FAM120B: variants seen among roughly 807,000 people sequenced by gnomAD.
FAM120B encodes constitutive coactivator of peroxisome proliferator-activated receptor gamma.
In FAM120B, 83 loss-of-function variants were observed where a neutral mutation model predicts 96.3. The observed-to-expected ratio is 0.86, with a 90% CI of 0.72 to 1.03. The LOEUF (loss-of-function observed/expected upper bound fraction) is 1.03, where lower values mean the gene tolerates loss of function less well. Ranked by LOEUF, FAM120B falls within the 50% of genes least tolerant of loss-of-function variation. The probability of loss-of-function intolerance (pLI) is 0.00; values close to 1 mark genes in which losing one functional copy is unlikely to be tolerated. For synonymous variants in FAM120B, 407 were observed against 402.7 expected (o/e 1.01, Z -0.13); for missense variants, 1,027 against 1,121.2 (o/e 0.92, Z 1.20).
At chr6:170,327,141 G>A (rs1186254028) in intron 3 of FAM120B, among the ~76,000 whole-genome samples, 1 of 152,030 alleles carries the variant, frequency 6.6e-6, no homozygotes, top group Non-Finnish European at 1.5e-5. Context: ...CCGCCTCCCG[G>A]GTTCACACCA....
chr6:170,388,610 C>T (rs963589994), intron 7 of FAM120B, 117 bp downstream of exon 7: 30 of 840,042 alleles, frequency 3.6e-5, no homozygotes, highest in Admixed American at 3.4e-4. Context: ...TAAAGGATTC[C>T]GTTAAACCAG....
rs1392304902 is a variant in FAM120B, at chr6:170,323,272, T to C, written c.1915+13T>C. 1.9e-6 allele frequency: 3 copies of C among 1,607,628 alleles called. No individual in the cohort carries two copies. The Admixed American group carries it at 5.1e-5, about 27-fold the overall frequency. ...GAGGACTGTCAAGGTGAGAATTGGTTGGTCCCTCTTAGTAAAGGTTCTATT... is the reference window on the plus strand; with the variant it reads ...GAGGACTGTCAAGGTGAGAATTGGTCGGTCCCTCTTAGTAAAGGTTCTATT... On this transcript the variant is annotated intron_variant, in intron 3 of 10. Coordinates refer to ENST00000476287, the MANE Select transcript of FAM120B (RefSeq NM_032448.3).
chr6:170,392,623 ATTAT>A (rs1790535673), intron 8 of FAM120B, among the ~76,000 whole-genome samples: 1 of 152,122 alleles, frequency 6.6e-6, no homozygotes, highest in Non-Finnish European at 1.5e-5. Context: ...CTGCAGTCCC[ATTAT>A]TTTTCTTGAT....
At chr6:170,355,689 G>GC (rs1228960291) in intron 5 of FAM120B, among the ~76,000 whole-genome samples, 1 of 152,114 alleles carries the variant, frequency 6.6e-6, no homozygotes, top group Non-Finnish European at 1.5e-5. Flanking sequence ...TATGTAACAA[G>GC]CCTGCACATC....
At chr6:170,367,092 T>G (rs1039170054) in intron 6 of FAM120B, among the ~76,000 whole-genome samples, 1 of 152,212 alleles carries the variant, frequency 6.6e-6, no homozygotes, top group African/African-American at 2.4e-5. Flanking sequence ...TTAAACAAAT[T>G]TTTCTTTTTA....
At chr6:170,398,977 GGGAAAGGT>G (rs1778377705) in intron 9 of FAM120B, among the ~76,000 whole-genome samples, 3 of 150,256 alleles carry the variant, frequency 2.0e-5, no homozygotes, top group South Asian at 2.1e-4. Context: ...AGGAGTGAGT[GGGAAAGGT>G]AGAACTATGT....
upstream of FAM120B, among the ~76,000 whole-genome samples, chr6:170,293,253 C>G (rs942320196): frequency 4.6e-5 from 7 of 152,124 alleles, no homozygotes; most frequent in African/African-American, 1.7e-4. Context: ...AATGCGAGGT[C>G]AGAATCCAGA....
rs9356643 is a variant in FAM120B, at chr6:170,331,251, A to G, written c.2017+701A>G. On this transcript the variant is annotated intron_variant, in intron 4 of 10. Transcript: ENST00000476287. ...AAGAGGAGGCTAAGCTTCAGAGTTTATTTTTAGTGGCTCATGTCATTGTTT... is the reference window on the plus strand; with the variant it reads ...AAGAGGAGGCTAAGCTTCAGAGTTTGTTTTTAGTGGCTCATGTCATTGTTT... Among the ~76,000 whole-genome samples the G allele has an allele frequency of 3.3e-5, 5 of 152,272 alleles. No homozygotes were observed. In the East Asian group the frequency reaches 9.7e-4, roughly 29 times the overall value.
At position 170,317,443 on chromosome 6, in the gene FAM120B, G is replaced by A. The variant is rs1300987430; in HGVS notation, c.53G>A (p.Cys18Tyr). The A allele has an allele frequency of 1.2e-6, 2 of 1,614,174 alleles. No homozygotes were observed. The highest frequency in any genetic ancestry group is 1.7e-6 in the Non-Finnish European group (2 of 1,180,024). Residue 18 changes from cysteine to tyrosine, a missense_variant, in exon 2 of 11, where the codon TGT becomes TAT. Cys to Tyr is a radical substitution (Grantham distance 194, BLOSUM62 -2). Transcript: ENST00000476287. Reference protein sequence around the residue: ...GFVGSTCPHICTVVNFKELAE... With the variant: ...GFVGSTCPHIYTVVNFKELAE... ...GTGGGAAGTACCTGCCCACATATAT[G>A]TACAGTAGTAAATTTCAAAGAACTG...
chr6:170,374,307 G>A (rs1000373771), intron 6 of FAM120B, among the ~76,000 whole-genome samples: 2 of 152,160 alleles, frequency 1.3e-5, no homozygotes, highest in Non-Finnish European at 2.9e-5. Flanking sequence ...TAAATTATAC[G>A]TAAATTGTGA....
intron 4 of FAM120B, among the ~76,000 whole-genome samples, chr6:170,345,234 A>G (rs938727909): frequency 6.6e-6 from 1 of 152,158 alleles, no homozygotes; most frequent in Non-Finnish European, 1.5e-5. Flanking sequence ...AGTCCAGCCC[A>G]ATGTTCCCAC....
At chr6:170,365,100 A>C (rs565699821) in intron 6 of FAM120B, among the ~76,000 whole-genome samples, 44 of 152,344 alleles carry the variant, frequency 2.9e-4, no homozygotes, top group African/African-American at 1.0e-3. Context: ...CGAAACCCCC[A>C]GTCAGGCTGA....
chr6:170,290,894 C>A (rs2114968823), upstream of FAM120B: 1 of 691,524 alleles, frequency 1.4e-6, no homozygotes, highest in South Asian at 1.5e-5. This position sits in a 1 kb window ranked among gnomAD's most constrained non-coding sequence, Gnocchi z 4.7. Flanking sequence ...TGCCCTCGGC[C>A]GGGTCGGGTC....
intron 4 of FAM120B, among the ~76,000 whole-genome samples, chr6:170,332,121 T>C (rs1260177010): frequency 2.0e-5 from 3 of 152,252 alleles, no homozygotes; most frequent in African/African-American, 7.2e-5. Context: ...TTTGAACTTT[T>C]ACACGGAGGG....
intron 1 of FAM120B, among the ~76,000 whole-genome samples, chr6:170,311,669 A>G (rs9356638): frequency 0.1 from 15,709 of 152,254 alleles, 1,030 homozygotes; most frequent in East Asian, 0.2. Flanking sequence ...CTCGTGTCCA[A>G]GAGACTGTTG....
upstream of FAM120B, chr6:170,291,085 T>C: frequency 1.4e-6 from 1 of 699,942 alleles, no homozygotes; most frequent in Non-Finnish European, 2.6e-6. Flanking sequence ...CAGTGAGCTG[T>C]AAAATGTGCA....
At chr6:170,335,604 G>A (rs193091681) in intron 4 of FAM120B, among the ~76,000 whole-genome samples, 1 of 152,128 alleles carries the variant, frequency 6.6e-6, no homozygotes. Flanking sequence ...GGTATTTCTG[G>A]TTCTAGACCC....
chr6:170,395,375 TA>T, intron 8 of FAM120B, 111 bp from the exon 9 acceptor site: 1 of 830,524 alleles, frequency 1.2e-6, no homozygotes, highest in Non-Finnish European at 2.0e-6. Context: ...CCCTCTGATT[TA>T]AGTACGGGGA....
rs1583191383 is a variant in FAM120B at position 170,318,708 on chromosome 6, T to C, written c.1318T>C (p.Tyr440His). 6.3e-7 allele frequency: 1 copy of C among 1,593,104 alleles called. No homozygotes were observed. The highest frequency in any genetic ancestry group is 1.4e-5 in the African/African-American group (1 of 74,054). The change falls in exon 2 of 11, where the codon TAT (tyrosine) becomes CAT (histidine). Residue 440 changes from tyrosine to histidine, a missense_variant. By Grantham distance (83) the Tyr-to-His change is moderately conservative. Around this residue, in one of 3 missense-constraint regions of FAM120B, gnomAD observed 880 missense variants for 980.9 expected, o/e 0.90. Coordinates refer to ENST00000476287, the MANE Select transcript of FAM120B (RefSeq NM_032448.3). The part of the protein sequence containing the change: ...DSEPRQEVPM[Y>H]TDSEPRQEVP... ...TGAACCCAGGCAAGAAGTTCCCATG[T>C]ATACAGACTCTGAACCCAGGCAAGA...
Sources: gnomAD v4.1 joint callset for allele counts (sites outside exome capture counted in the v4.1 genomes callset) on GRCh38, gnomAD v4.1.1 for gene constraint, gnomAD v4.1.1 regional missense constraint, Gnocchi (gnomAD v3.1) non-coding constraint, MANE v1.5 for transcripts, NCBI Gene and HGNC (gene_info 2026-07-23, HGNC 2026-07-21) for gene names.